UPP2: variants seen among roughly 807,000 people sequenced by gnomAD.
UPP2 encodes the protein UPase 2.
Under a neutral mutation model 26.7 loss-of-function variants are expected in UPP2, and 23 were observed. The observed-to-expected ratio is 0.86, with a 90% CI of 0.62 to 1.22. The LOEUF is 1.22. Among genes scored for constraint, UPP2 ranks in the 50% most tolerant of loss-of-function variants. The pLI, the probability that UPP2 is intolerant of heterozygous loss-of-function variation, is 0.00. For synonymous variants in UPP2, 127 were observed against 141.3 expected, an observed-to-expected ratio of 0.90 and a Z score of 0.72; for missense variants, 387 against 396.7, an observed-to-expected ratio of 0.98 and a Z score of 0.21.
intron 6 of UPP2, among the ~76,000 whole-genome samples, chr2:158,132,821 G>A (rs1368395239): frequency 6.6e-6 from 1 of 152,134 alleles, no homozygotes; most frequent in Non-Finnish European, 1.5e-5. Flanking sequence ...ACAATGGCGA[G>A]GTGTCGCTTC....
intron 2 of UPP2, among the ~76,000 whole-genome samples, chr2:157,999,929 G>C (rs1683379036): frequency 6.6e-6 from 1 of 152,116 alleles, no homozygotes; most frequent in African/African-American, 2.4e-5. Context: ...GCACTAGAGG[G>C]ATTAGGATAA....
At chr2:158,093,639 GGAAAT>G (rs1429529062) in intron 3 of UPP2, among the ~76,000 whole-genome samples, 2 of 151,904 alleles carry the variant, frequency 1.3e-5, no homozygotes, top group Non-Finnish European at 2.9e-5. Flanking sequence ...TAGTAATCAG[GGAAAT>G]GAAATAAAGC....
At chr2:158,125,760 T>G (rs928994013) in intron 6 of UPP2, among the ~76,000 whole-genome samples, 2 of 152,148 alleles carry the variant, frequency 1.3e-5, no homozygotes, top group Admixed American at 1.3e-4. Flanking sequence ...AGTATCCTCT[T>G]TTAGAGAACA....
At chr2:158,099,704 CTG>C (rs1683043143), upstream of UPP2, among the ~76,000 whole-genome samples, 1 of 152,190 alleles carries the variant, frequency 6.6e-6, no homozygotes, top group African/African-American at 2.4e-5. Context: ...TACATCAAGA[CTG>C]TGCTTTCTTT....
chr2:158,061,555 T>C (rs1682352160), intron 3 of UPP2, among the ~76,000 whole-genome samples: 1 of 152,206 alleles, frequency 6.6e-6, no homozygotes, highest in South Asian at 2.1e-4. Flanking sequence ...GATTTAAACT[T>C]CCTCCTGAGC....
At chr2:158,044,297 C>T (rs527783954) in intron 3 of UPP2, among the ~76,000 whole-genome samples, 5 of 152,176 alleles carry the variant, frequency 3.3e-5, no homozygotes, top group Admixed American at 3.3e-4. Flanking sequence ...GCAAGTTGAC[C>T]ATAGTGGGAA....
chr2:158,017,608 T>C (rs1268155167), intron 3 of UPP2, among the ~76,000 whole-genome samples: 1 of 152,242 alleles, frequency 6.6e-6, no homozygotes, highest in East Asian at 1.9e-4. Context: ...AATCTTTGCA[T>C]AGCTGAGTGT....
intron 3 of UPP2, among the ~76,000 whole-genome samples, chr2:158,069,154 G>GGT (rs1558920653): frequency 2.6e-5 from 4 of 152,012 alleles, no homozygotes. Context: ...TGGAACAAAT[G>GGT]ATTGCCAAGG....
intron 3 of UPP2, among the ~76,000 whole-genome samples, chr2:158,048,835 C>A (rs2105169663): frequency 6.6e-6 from 1 of 152,274 alleles, no homozygotes; most frequent in Non-Finnish European, 1.5e-5. Context: ...AGGCAGAAAG[C>A]CACATGAGGG....
intron 3 of UPP2, among the ~76,000 whole-genome samples, chr2:158,051,779 T>TCAACAACAACAACAACAA (rs57339979): frequency 8.0e-5 from 12 of 150,430 alleles, no homozygotes; most frequent in Non-Finnish European, 1.0e-4. Context: ...AGACTCCACC[T>TCAACAACAACAACAACAA]CAACAACAAC....
chr2:158,100,706 C>T (rs1336601179), upstream of UPP2, among the ~76,000 whole-genome samples: 1 of 152,174 alleles, frequency 6.6e-6, no homozygotes, highest in Non-Finnish European at 1.5e-5. Flanking sequence ...ACTATTTTGC[C>T]TCATAGTCAT....
At chr2:158,058,590 AAATAAAATTCTATTATTT>A (rs1324803154) in intron 3 of UPP2, among the ~76,000 whole-genome samples, 1 of 152,128 alleles carries the variant, frequency 6.6e-6, no homozygotes, top group South Asian at 2.1e-4. Context: ...AACCATAAGA[AAATAAAATTCTATTATTT>A]AAGCCATCCA....
In UPP2 at chr2:158,102,031, C is replaced by A. The variant is rs745627148; in HGVS notation, c.-33C>A. On this transcript the variant is annotated 5_prime_UTR_variant, in exon 1 of 7. Coordinates refer to ENST00000005756, the MANE Select transcript of UPP2 (RefSeq NM_173355.4). ...TCACAATATCTCTCTTTCTTGACAT[C>A]AATTTAAGGTGACTTTTCACATAGT... 2 of 1,606,846 alleles carry A rather than the reference C, an allele frequency of 1.2e-6. No homozygotes were observed. Among genetic ancestry groups the A allele is most frequent in the Admixed American group, 3.4e-5 (2 of 59,482 alleles).
chr2:158,031,674 A>G (rs1392585445), intron 3 of UPP2, among the ~76,000 whole-genome samples: 2 of 152,220 alleles, frequency 1.3e-5, no homozygotes, highest in African/African-American at 4.8e-5. Flanking sequence ...CTGTTTAATC[A>G]GATACATGAA....
rs540070239 is a variant in UPP2, at chr2:158,062,652, C to T, written c.148-39388C>T. On this transcript the variant is annotated intron_variant, in intron 3 of 9. Transcript: ENST00000605860. ...GTAGCACTCTCCTTTTTACACTATCCCTTGGGTCCAGGAGGGCAGGAATTC... is the reference window on the plus strand; with the variant it reads ...GTAGCACTCTCCTTTTTACACTATCTCTTGGGTCCAGGAGGGCAGGAATTC... Among the ~76,000 whole-genome samples, 7 of 152,256 alleles carry T rather than the reference C, an allele frequency of 4.6e-5. No individual in the cohort carries two copies. In the South Asian group the frequency reaches 1.0e-3, roughly 23 times the overall value.
intron 3 of UPP2, among the ~76,000 whole-genome samples, chr2:158,074,591 CAAAA>C (rs1282794567): frequency 6.7e-6 from 1 of 149,300 alleles, no homozygotes; most frequent in Non-Finnish European, 1.5e-5. Flanking sequence ...TATAGATATA[CAAAA>C]AATAAAAAGC....
rs544750680 is a variant in UPP2 at position 158,081,932 on chromosome 2, T to A, written c.148-20108T>A. On this transcript the variant is annotated intron_variant, in intron 3 of 9. Transcript: ENST00000605860. ...TTTCAATAGGTTTTTGGGGAACAGG[T>A]GGTGTTTGGTTACATGAATAATTTT... 3.3e-4 allele frequency among the ~76,000 whole-genome samples: 50 copies of A among 151,726 alleles called. 1 individual carries two copies. Among genetic ancestry groups the A allele is most frequent in the African/African-American group, 1.1e-3 (47 of 41,346 alleles).
intron 3 of UPP2, 54 bp downstream of exon 3, chr2:158,115,313 G>T (rs1300119652): frequency 2.0e-6 from 3 of 1,497,992 alleles, no homozygotes; most frequent in East Asian, 4.8e-5. Flanking sequence ...AGAAAAAAGT[G>T]GGAACTTTTA....
chr2:158,070,845 A>G (rs1231753384), intron 3 of UPP2, among the ~76,000 whole-genome samples: 1 of 152,104 alleles, frequency 6.6e-6, no homozygotes. Flanking sequence ...TGGCATGGAG[A>G]GGGAATCTGA....
Sources: gnomAD v4.1 joint callset for allele counts (sites outside exome capture counted in the v4.1 genomes callset) on GRCh38, gnomAD v4.1.1 for gene constraint, MANE v1.5 for transcripts, NCBI Gene and HGNC (gene_info 2026-07-23, HGNC 2026-07-21) for gene names.